CARNS1: variants seen among roughly 807,000 people sequenced by gnomAD.
CARNS1 encodes the protein ATP-grasp domain containing 1.
A neutral mutation model predicts 74.0 loss-of-function variants in CARNS1; 61 were observed. The observed-to-expected ratio is 0.82, with a 90% CI of 0.67 to 1.02. The LOEUF (loss-of-function observed/expected upper bound fraction) is 1.02, where lower values mean the gene tolerates loss of function less well. CARNS1 is among the 50% of genes least tolerant of loss of function. The pLI is 0.00. For missense variants in CARNS1, 1,278 were observed against 1,308.4 expected (o/e 0.98, Z 0.36); for synonymous variants, 568 against 605.5 (o/e 0.94, Z 0.91).
At position 67,421,192 on chromosome 11, in the gene CARNS1, G is replaced by C. The variant is rs892488486; in HGVS notation, c.1599G>C (p.Trp533Cys). ...GAGGVSKKFV[W>C]EAARDYGLQL... is the part of the protein sequence containing the mutation. ...GCGGCGTCAGCAAGAAGTTCGTGTG[G>C]GAGGCGGCGCGCGACTACGGGCTCC... Residue 533 changes from tryptophan (W) to cysteine (C), a missense_variant, in exon 9 of 10, where the codon TGG becomes TGC. Transcript: ENST00000687366. The C allele has an allele frequency of 6.7e-7, 1 of 1,494,228 alleles. No individual in the cohort carries two copies. The highest frequency in any genetic ancestry group is 8.9e-7 in the Non-Finnish European group (1 of 1,128,062). The allele number at this position is 1,494,228 out of a possible 1,614,324, so 92.6% of individuals were successfully genotyped here. A position where few individuals can be genotyped will look rare whatever the true frequency, so the allele number is the denominator to read the frequency against.
chr11:67,424,460 G>C lies in CARNS1; in HGVS notation c.2712G>C (p.Glu904Asp), dbSNP rs757915400. The change falls in exon 10 of 10, where the codon GAG (glutamate) becomes GAC (aspartate). Residue 904 changes from glutamate (E) to aspartate (D), a missense_variant. Around this residue, in one of 3 missense-constraint regions of CARNS1, gnomAD observed 1,164 missense variants for 1,156.5 expected, o/e 1.01. Coordinates refer to ENST00000687366, the MANE Select transcript of CARNS1 (RefSeq NM_001166222.2). ...NLLEEALVPG[E>D]YEEPYCSVAC... is the part of the protein sequence containing the mutation. ...TGGAGGAGGCCCTGGTGCCTGGCGA[G>C]TATGAGGAGCCCTACTGCAGTGTGG... The C allele has an allele frequency of 6.3e-7, 1 of 1,589,066 alleles. No homozygotes were observed. Among genetic ancestry groups the C allele is most frequent in the East Asian group, 2.3e-5 (1 of 43,500 alleles).
chr11:67,417,706 C>T, intron 3 of CARNS1, 29 bp downstream of exon 3: 1 of 1,240,426 alleles, frequency 8.1e-7, no homozygotes, highest in Non-Finnish European at 1.0e-6. Context: ...GAGGGAGGCA[C>T]CTCTGGGGGC....
Position 67,424,406 on chromosome 11 carries a change from C to T in CARNS1, c.2658C>T (p.His886=), listed in dbSNP as rs376556740. The change falls in exon 10 of 10, where the codon CAC becomes CAT. Residue 886 remains histidine, a synonymous_variant. Transcript: ENST00000687366. ...TASRETLQAL[H]DRGLLRLNLL... is the part of the protein sequence containing the mutation. ...GCCGTGAGACCCTGCAGGCCCTGCACGACCGTGGACTGCTACGCCTCAATC... is the reference window on the plus strand; with the variant it reads ...GCCGTGAGACCCTGCAGGCCCTGCATGACCGTGGACTGCTACGCCTCAATC... The T allele has an allele frequency of 1.6e-5, 25 of 1,589,820 alleles. No individual in the cohort carries two copies. The highest frequency in any genetic ancestry group is 1.1e-4 in the East Asian group (5 of 43,598).
Position 67,418,493 on chromosome 11 carries a change from C to A in CARNS1, c.337C>A (p.Leu113Met). The A allele has an allele frequency of 6.6e-7, 1 of 1,515,134 alleles. No homozygotes were observed. The highest frequency in any genetic ancestry group is 8.8e-7 in the Non-Finnish European group (1 of 1,136,366). 93.9% of individuals were successfully genotyped at this position (1,515,134 alleles called of 1,614,324 possible). Residue 113 changes from leucine to methionine, a missense_variant, in exon 4 of 10, where the codon CTG becomes ATG. Transcript: ENST00000687366. ...CTCCCCCAGCACCTTTCTGCCTGTG[C>A]TGCTGGAGGGTGGGGTCCAGAGCCC... The part of the protein sequence containing the change: ...LGSPSTFLPV[L>M]LEGGVQSPGN...
At chr11:67,421,407 C>G (rs1590961239) in intron 9 of CARNS1, among the ~76,000 whole-genome samples, 188 bp downstream of exon 9, 1 of 152,188 alleles carries the variant, frequency 6.6e-6, no homozygotes, top group Non-Finnish European at 1.5e-5. Context: ...GTCCGCCGCC[C>G]GGTGAGGGTG....
chr11:67,421,117 G>A lies in CARNS1; in HGVS notation c.1524G>A (p.Arg508=). 2.1e-6 allele frequency: 3 copies of A among 1,461,734 alleles called. No homozygotes were observed. The highest frequency in any genetic ancestry group is 2.6e-5 in the South Asian group (2 of 76,140). 90.5% of individuals were successfully genotyped at this position (1,461,734 alleles called of 1,614,324 possible). The part of the protein sequence containing the change: ...AAPLVETMLR[R]SARCLMEGKQ... ...CGCTGGTGGAGACCATGCTTCGGCG[G>A]TCGGCGCGCTGCCTCATGGAGGGAA... The change falls in exon 9 of 10, where the codon CGG becomes CGA. Residue 508 remains arginine (R), a synonymous_variant. Transcript: ENST00000687366.
intron 7 of CARNS1, among the ~76,000 whole-genome samples, chr11:67,420,285 C>T (rs906327141): frequency 3.3e-5 from 5 of 152,026 alleles, no homozygotes; most frequent in African/African-American, 1.2e-4. Context: ...TCAGGGAGCT[C>T]CAGTGGGGTA....
rs1405769479 is a variant in CARNS1, at chr11:67,424,323, C to T, written c.2575C>T (p.Leu859=). ...CACCCGCCCACGTGCTCGTGGCCAT[C>T]TGGTGGGCGTCATGTGCCTTGTGTC... The part of the protein sequence containing the change: ...LPTRPRARGH[L]VGVMCLVSQH... Residue 859 remains leucine, a synonymous_variant, in exon 10 of 10, where the codon CTG becomes TTG. Coordinates refer to ENST00000687366, the MANE Select transcript of CARNS1 (RefSeq NM_001166222.2). 2 of 1,610,816 alleles carry T rather than the reference C, an allele frequency of 1.2e-6. No homozygotes were observed. The highest frequency in any genetic ancestry group is 1.7e-6 in the Non-Finnish European group (2 of 1,178,880).
chr11:67,421,039 G>A lies in CARNS1; in HGVS notation c.1446G>A (p.Gly482=). ...LCLEACGALE[G]LWAAPRLGPA... ...TGGAGGCGTGCGGCGCGCTGGAGGGGCTGTGGGCCGCGCCGCGGCTGGGGC... is the reference window on the plus strand; with the variant it reads ...TGGAGGCGTGCGGCGCGCTGGAGGGACTGTGGGCCGCGCCGCGGCTGGGGC... The change falls in exon 9 of 10, where the codon GGG becomes GGA. Residue 482 remains glycine (G), a synonymous_variant. Coordinates refer to ENST00000687366, the MANE Select transcript of CARNS1 (RefSeq NM_001166222.2). The A allele has an allele frequency of 7.3e-7, 1 of 1,360,742 alleles. No individual in the cohort carries two copies. Among genetic ancestry groups the A allele is most frequent in the Middle Eastern group, 2.6e-4 (1 of 3,856 alleles). 84.3% of individuals were successfully genotyped at this position (1,360,742 alleles called of 1,614,324 possible). A position where few individuals can be genotyped will look rare whatever the true frequency, so the allele number is the denominator to read the frequency against.
At chr11:67,418,579 C>T (rs1863607187) in intron 4 of CARNS1, 59 bp downstream of exon 4, 2 of 1,478,128 alleles carry the variant, frequency 1.4e-6, no homozygotes, top group Non-Finnish European at 1.8e-6. Context: ...CCTGCCCTGG[C>T]CCAGCCACAT....
intron 6 of CARNS1, 44 bp downstream of exon 6, chr11:67,419,705 C>A: frequency 2.5e-6 from 4 of 1,588,742 alleles, no homozygotes; most frequent in Non-Finnish European, 3.4e-6. Context: ...TTTGGTGTGG[C>A]CTTCTGGCCA....
Position 67,420,763 on chromosome 11 carries a change from TG to T in CARNS1, c.1270del (p.Ala424ProfsTer10). 1 of 1,241,456 alleles carries T rather than the reference TG, an allele frequency of 8.1e-7. No homozygotes were observed. The highest frequency in any genetic ancestry group is 1.0e-6 in the Non-Finnish European group (1 of 995,742). The allele number at this position is 1,241,456 out of a possible 1,614,324, so 76.9% of individuals were successfully genotyped here. A position where few individuals can be genotyped will look rare whatever the true frequency, so the allele number is the denominator to read the frequency against. On this transcript the variant is annotated frameshift_variant, in exon 8 of 10. Transcript: ENST00000687366. LOFTEE classifies it high-confidence loss of function. The part of the protein sequence containing the change: ...QRVKAAAEAA[L>X]AAVLALEAGL... ...GTCAAGGCGGCGGCCGAGGCCGCGC[TG>T]GCCGCCGTGCTGGCTCTGGAGGCCG...
chr11:67,420,750 G>A lies in CARNS1; in HGVS notation c.1255G>A (p.Ala419Thr). 2 of 1,247,340 alleles carry A rather than the reference G, an allele frequency of 1.6e-6. No individual in the cohort carries two copies. Among genetic ancestry groups the A allele is most frequent in the Middle Eastern group, 3.1e-4 (1 of 3,242 alleles). The allele number at this position is 1,247,340 out of a possible 1,614,324, so 77.3% of individuals were successfully genotyped here. A position where few individuals can be genotyped will look rare whatever the true frequency, so the allele number is the denominator to read the frequency against. Residue 419 changes from alanine to threonine, a missense_variant, in exon 8 of 10, where the codon GCC becomes ACC. By Grantham distance (58) the Ala-to-Thr change is moderately conservative. Around this residue, in one of 3 missense-constraint regions of CARNS1, gnomAD observed 1,164 missense variants for 1,156.5 expected, o/e 1.01. Coordinates refer to ENST00000687366, the MANE Select transcript of CARNS1 (RefSeq NM_001166222.2). ...TGTGCGGCAGCGCGTCAAGGCGGCG[G>A]CCGAGGCCGCGCTGGCCGCCGTGCT... The part of the protein sequence containing the change: ...AAVRQRVKAA[A>T]EAALAAVLAL...
rs1302886919 is a variant in CARNS1 at position 67,424,453 on chromosome 11, C to T, written c.2705C>T (p.Pro902Leu). The change falls in exon 10 of 10, where the codon CCT (proline) becomes CTT (leucine). Residue 902 changes from proline (P) to leucine (L), a missense_variant. Physicochemically the swap from Pro to Leu is moderately conservative, Grantham distance 98 (BLOSUM62 -3). Transcript: ENST00000687366. ...AATCTGCTGGAGGAGGCCCTGGTGC[C>T]TGGCGAGTATGAGGAGCCCTACTGC... is the stretch of plus-strand genomic sequence containing the variant. Reference protein sequence around the residue: ...RLNLLEEALVPGEYEEPYCSV... With the variant: ...RLNLLEEALVLGEYEEPYCSV... 2 of 1,589,254 alleles carry T rather than the reference C, an allele frequency of 1.3e-6. No individual in the cohort carries two copies. Among genetic ancestry groups the T allele is most frequent in the African/African-American group, 2.7e-5 (2 of 74,512 alleles).
At chr11:67,420,370 C>T (rs1863663987) in intron 7 of CARNS1, among the ~76,000 whole-genome samples, 1 of 152,196 alleles carries the variant, frequency 6.6e-6, no homozygotes, top group South Asian at 2.1e-4. Context: ...CTGCAGGAGC[C>T]ATCCTGGAGG....
intron 5 of CARNS1, 107 bp downstream of exon 5, chr11:67,419,350 C>T: frequency 6.8e-7 from 1 of 1,471,184 alleles, no homozygotes; most frequent in Non-Finnish European, 9.0e-7. Flanking sequence ...CTTAGCCCTG[C>T]CGCTGCCCTG....
At position 67,422,171 on chromosome 11, in the gene CARNS1, C is replaced by CTTTTTTTTTTT. The variant is rs35293042; in HGVS notation, c.1626+972_1626+982dup. ...ACAGGCGTGAGCCACCGCGCCCGGC[C>CTTTTTTTTTTT]TTTTTTTTTTTTTTTTTTTTTTTTT... is the stretch of plus-strand genomic sequence containing the variant. On this transcript the variant is annotated intron_variant, in intron 9 of 9. Transcript: ENST00000687366. Among the ~76,000 whole-genome samples, 2 of 72,784 alleles carry CTTTTTTTTTTT rather than the reference C, an allele frequency of 2.7e-5. 1 individual carries two copies. Among genetic ancestry groups the CTTTTTTTTTTT allele is most frequent in the African/African-American group, 1.7e-4 (2 of 11,560 alleles). The allele number at this position is 72,784 out of a possible 152,430, so 47.7% of individuals were successfully genotyped here. A position where few individuals can be genotyped will look rare whatever the true frequency, so the allele number is the denominator to read the frequency against.
intron 9 of CARNS1, among the ~76,000 whole-genome samples, chr11:67,421,830 C>T (rs1590961521): frequency 6.6e-6 from 1 of 152,168 alleles, no homozygotes; most frequent in East Asian, 1.9e-4. Flanking sequence ...TGGGCTGAAG[C>T]GATCCTCCCA....
rs376495882 is a variant in CARNS1 at position 67,424,036 on chromosome 11, C to T, written c.2288C>T (p.Thr763Met). The T allele has an allele frequency of 2.7e-5, 43 of 1,612,478 alleles. No individual in the cohort carries two copies. The highest frequency in any genetic ancestry group is 3.3e-4 in the Middle Eastern group (2 of 6,082). ...ACGAGGCTGCCTGGCTTCACTGAGA[C>T]GGCGGCCTGCATGCCCACCGGGCTG... ...GPTRLPGFTE[T>M]AACMPTGLAP... The change falls in exon 10 of 10, where the codon ACG (threonine) becomes ATG (methionine). Residue 763 changes from threonine to methionine, a missense_variant. Around this residue, in one of 3 missense-constraint regions of CARNS1, gnomAD observed 1,164 missense variants for 1,156.5 expected, o/e 1.01. Coordinates refer to ENST00000687366, the MANE Select transcript of CARNS1 (RefSeq NM_001166222.2).
Sources: gnomAD v4.1 joint callset for allele counts (sites outside exome capture counted in the v4.1 genomes callset) on GRCh38, gnomAD v4.1.1 for gene constraint, gnomAD v4.1.1 regional missense constraint, MANE v1.5 for transcripts, NCBI Gene and HGNC (gene_info 2026-07-23, HGNC 2026-07-21) for gene names.